Variants in RYR2 observed in about 807,000 individuals in gnomAD.
The protein encoded by RYR2 is ryanodine receptor 2.
A neutral mutation model predicts 601.1 loss-of-function variants in RYR2; 227 were observed. The ratio of observed to expected loss-of-function variants is 0.38; its 90% CI spans 0.34 to 0.42. The LOEUF (loss-of-function observed/expected upper bound fraction) is 0.42, where lower values mean the gene tolerates loss of function less well. Ranked by LOEUF, RYR2 falls within the 10% of genes least tolerant of loss-of-function variation. The probability of loss-of-function intolerance (pLI) is 1.00; values close to 1 mark genes in which losing one functional copy is unlikely to be tolerated. For missense variants in RYR2, 4,646 were observed against 6,156.5 expected, an observed-to-expected ratio of 0.75 and a Z score of 8.21; for synonymous variants, 2,223 against 2,175.1, an observed-to-expected ratio of 1.02 and a Z score of -0.61.
At chr1:237,260,311 C>T (rs934991981) in intron 1 of RYR2, among the ~76,000 whole-genome samples, 1 of 152,086 alleles carries the variant, frequency 6.6e-6, no homozygotes, top group African/African-American at 2.4e-5. Context: ...ATGGTTCTGA[C>T]CCATAGGATG....
intron 1 of RYR2, among the ~76,000 whole-genome samples, chr1:237,240,558 C>G (rs945102466): frequency 6.8e-6 from 1 of 147,850 alleles, no homozygotes; most frequent in Non-Finnish European, 1.5e-5. Flanking sequence ...GCGTGTTCTA[C>G]TAGATGTCAT....
chr1:237,337,117 T>C (rs868373700), intron 3 of RYR2, among the ~76,000 whole-genome samples: 13 of 151,800 alleles, frequency 8.6e-5, no homozygotes, highest in African/African-American at 2.7e-4. Flanking sequence ...CCAGACGTGG[T>C]GACACGTGCC....
intron 3 of RYR2, among the ~76,000 whole-genome samples, chr1:237,336,441 A>G (rs1229855167): frequency 6.6e-6 from 1 of 152,218 alleles, no homozygotes; most frequent in Non-Finnish European, 1.5e-5. Context: ...CTCTTTCTAA[A>G]TTATGTACTG....
intron 58 of RYR2, among the ~76,000 whole-genome samples, chr1:237,670,698 A>G (rs1452255469): frequency 6.6e-6 from 1 of 152,160 alleles, no homozygotes; most frequent in East Asian, 1.9e-4. Context: ...TTACAGGTTG[A>G]TTATCCCTTA....
chr1:237,814,185 T>C (rs941793493), intron 100 of RYR2, among the ~76,000 whole-genome samples: 1 of 152,212 alleles, frequency 6.6e-6, no homozygotes, highest in Admixed American at 6.5e-5. Context: ...ATATAACTGA[T>C]CACTTAGAGT....
In RYR2 at chr1:237,106,865, G is replaced by T. The variant is rs376655054; in HGVS notation, c.48+64296G>T. On this transcript the variant is annotated intron_variant, in intron 1 of 104. Transcript: ENST00000366574. The surrounding 1 kb of genome is among the most constrained non-coding windows in gnomAD (Gnocchi z 4.4). ...GGCTGTCTTCTTGCTGTGTTGTCAC[G>T]TGTAGAAGGGACAAAGGAGCTCTCT... 2.0e-5 allele frequency among the ~76,000 whole-genome samples: 3 copies of T among 152,296 alleles called. No individual in the cohort carries two copies.
At chr1:237,355,761 A>T (rs1699239708) in intron 3 of RYR2, among the ~76,000 whole-genome samples, 1 of 152,114 alleles carries the variant, frequency 6.6e-6, no homozygotes, top group South Asian at 2.1e-4. Context: ...TTGAGTTCTG[A>T]TTGCTAAATT....
At chr1:237,502,394 G>A (rs540868283) in intron 21 of RYR2, among the ~76,000 whole-genome samples, 2 of 152,278 alleles carry the variant, frequency 1.3e-5, no homozygotes, top group South Asian at 2.1e-4. Flanking sequence ...AAGTTGAAGT[G>A]ACATCAGAAT....
chr1:237,589,050 T>C (rs1269871941), intron 29 of RYR2, among the ~76,000 whole-genome samples: 1 of 152,194 alleles, frequency 6.6e-6, no homozygotes, highest in Non-Finnish European at 1.5e-5. Context: ...GGGAAGAGCT[T>C]ATGAAATATT....
intron 27 of RYR2, among the ~76,000 whole-genome samples, chr1:237,555,841 A>G (rs746877564): frequency 6.6e-6 from 1 of 152,172 alleles, no homozygotes; most frequent in Non-Finnish European, 1.5e-5. Context: ...TCAAGGAAAG[A>G]GTTAATTATG....
At chr1:237,663,971 A>G (rs193145597) in intron 56 of RYR2, among the ~76,000 whole-genome samples, 258 of 152,338 alleles carry the variant, frequency 1.7e-3, no homozygotes, top group Non-Finnish European at 2.6e-3. Flanking sequence ...AGAGGGGTTA[A>G]CTGGGTGGGT....
chr1:237,650,241 A>T, intron 50 of RYR2, 144 bp downstream of exon 50: 1 of 754,768 alleles, frequency 1.3e-6, no homozygotes, highest in South Asian at 1.8e-5. Flanking sequence ...ATACTGAGGT[A>T]TGAGTCTTCT....
intron 1 of RYR2, among the ~76,000 whole-genome samples, chr1:237,049,379 T>C (rs1026856931): frequency 2.0e-5 from 3 of 152,074 alleles, no homozygotes; most frequent in African/African-American, 4.8e-5. Flanking sequence ...GGGAAGAACA[T>C]TGGGATGAGG....
chr1:237,792,017 G>T, intron 93 of RYR2, 88 bp from the exon 94 acceptor site: 1 of 910,056 alleles, frequency 1.1e-6, no homozygotes, highest in Non-Finnish European at 1.7e-6. Context: ...CCAACTATTT[G>T]CTGAAAAGGC....
At position 237,610,668 on chromosome 1, in the gene RYR2, C is replaced by G; in HGVS notation, c.4684-94C>G. ...TTGACTCATAGGGTTATCTTACTTTCCCTGTCTCTGTCCTGTGCAGAATTC... is the reference window on the plus strand; with the variant it reads ...TTGACTCATAGGGTTATCTTACTTTGCCTGTCTCTGTCCTGTGCAGAATTC... On this transcript the variant is annotated intron_variant, in intron 35 of 104. Transcript: ENST00000366574. The surrounding 1 kb of genome is among the most constrained non-coding windows in gnomAD (Gnocchi z 4.9). 1.0e-6 allele frequency: 1 copy of G among 1,000,582 alleles called. No individual in the cohort carries two copies. Among genetic ancestry groups the G allele is most frequent in the Non-Finnish European group, 1.5e-6 (1 of 680,998 alleles). 62.0% of individuals were successfully genotyped at this position (1,000,582 alleles called of 1,614,324 possible).
intron 39 of RYR2, among the ~76,000 whole-genome samples, chr1:237,624,701 T>A (rs992892639): frequency 6.6e-6 from 1 of 152,190 alleles, no homozygotes; most frequent in Non-Finnish European, 1.5e-5. Context: ...CCTCCTTTTA[T>A]TCTAAGAACT....
intron 1 of RYR2, among the ~76,000 whole-genome samples, chr1:237,153,255 A>G (rs1674936137): frequency 6.6e-6 from 1 of 152,208 alleles, no homozygotes; most frequent in South Asian, 2.1e-4. Context: ...GGAAGGAATG[A>G]ATTAGGAAGA....
At position 237,388,131 on chromosome 1, in the gene RYR2, A is replaced by G. The variant is rs760669140; in HGVS notation, c.721A>G (p.Met241Val). 4 of 1,613,982 alleles carry G rather than the reference A, an allele frequency of 2.5e-6. No individual in the cohort carries two copies. The highest frequency in any genetic ancestry group is 1.1e-5 in the South Asian group (1 of 91,060). ...TGTCCTCAGGTTGCTGCATGGACAC[A>G]TGGACGAGTGTCTCACTGTCCCTTC... ...GDVLRLLHGH[M>V]DECLTVPSGE... is the part of the protein sequence containing the mutation. The change falls in exon 10 of 105, where the codon ATG (methionine) becomes GTG (valine). Residue 241 changes from methionine (M) to valine (V), a missense_variant. Met to Val is a conservative substitution (Grantham distance 21). Around this residue, in one of 17 missense-constraint regions of RYR2, gnomAD observed 87 missense variants for 144.7 expected, o/e 0.60. Transcript: ENST00000366574.
At chr1:237,122,143 A>T (rs1670853940) in intron 1 of RYR2, among the ~76,000 whole-genome samples, 1 of 152,208 alleles carries the variant, frequency 6.6e-6, no homozygotes, top group African/African-American at 2.4e-5. Flanking sequence ...TTAGCAGAAC[A>T]TTGGGGTTGC....
Sources: gnomAD v4.1 joint callset for allele counts (sites outside exome capture counted in the v4.1 genomes callset) on GRCh38, gnomAD v4.1.1 for gene constraint, gnomAD v4.1.1 regional missense constraint, Gnocchi (gnomAD v3.1) non-coding constraint, MANE v1.5 for transcripts, NCBI Gene and HGNC (gene_info 2026-07-23, HGNC 2026-07-21) for gene names.